VDAC2: variants seen among roughly 807,000 people sequenced by gnomAD.
The protein encoded by VDAC2 is voltage dependent anion channel 2, also known as non-selective voltage-gated ion channel VDAC2.
Under a neutral mutation model 36.6 loss-of-function variants are expected in VDAC2, and 6 were observed. That is an observed-to-expected ratio of 0.16 (90% confidence interval 0.09 to 0.32). VDAC2 has a LOEUF of 0.32. Among genes scored for constraint, VDAC2 ranks in the 10% least tolerant of loss-of-function variants. The probability of loss-of-function intolerance (pLI) is 1.00; values close to 1 mark genes in which losing one functional copy is unlikely to be tolerated. For missense variants in VDAC2, 247 were observed against 346.0 expected (o/e 0.71, Z 2.27); for synonymous variants, 109 against 123.8 (o/e 0.88, Z 0.79).
At chr10:75,218,996 G>C (rs1841706276) in intron 4 of VDAC2, 67 bp from the exon 5 acceptor site, 1 of 1,490,518 alleles carries the variant, frequency 6.7e-7, no homozygotes, top group Admixed American at 2.1e-5. Flanking sequence ...GTGTGTGTGC[G>C]TGTGTAAGGC....
intron 6 of VDAC2, among the ~76,000 whole-genome samples, chr10:75,220,379 G>GTGTA (rs1841775544): frequency 6.6e-6 from 1 of 152,256 alleles, no homozygotes; most frequent in African/African-American, 2.4e-5. Context: ...AAAGTGCTGA[G>GTGTA]ATTACAGGCG....
chr10:75,217,564 G>A (rs999404722), intron 4 of VDAC2, among the ~76,000 whole-genome samples: 1 of 152,104 alleles, frequency 6.6e-6, no homozygotes, highest in Non-Finnish European at 1.5e-5. Flanking sequence ...GTTTAGTAGA[G>A]ACGGGGTTTC....
At chr10:75,221,008 C>T (rs146018178) in intron 7 of VDAC2, 38 bp downstream of exon 7, 1 of 1,572,408 alleles carries the variant, frequency 6.4e-7, no homozygotes, top group Non-Finnish European at 8.7e-7. Context: ...GATGTGGGCC[C>T]TCAGAGGATG....
chr10:75,228,115 C>T (rs145130163), intron 8 of VDAC2, among the ~76,000 whole-genome samples: 2,994 of 150,484 alleles, frequency 0.02, 44 homozygotes, highest in Non-Finnish European at 0.027. Context: ...AGGATGGTCT[C>T]GATTTCCTGA....
chr10:75,220,049 A>C (rs1436739146), intron 6 of VDAC2, among the ~76,000 whole-genome samples: 1 of 149,170 alleles, frequency 6.7e-6, no homozygotes, highest in Non-Finnish European at 1.5e-5. Flanking sequence ...GCTGGTCTTG[A>C]ACTCCTGACC....
At chr10:75,230,294 T>C (rs1842066058) in intron 9 of VDAC2, among the ~76,000 whole-genome samples, 1 of 152,236 alleles carries the variant, frequency 6.6e-6, no homozygotes. Context: ...ATGAACATCA[T>C]ATGTCCTTAC....
At chr10:75,219,944 C>T (rs112504851) in intron 6 of VDAC2, among the ~76,000 whole-genome samples, 381 of 150,344 alleles carry the variant, frequency 2.5e-3, no homozygotes, top group African/African-American at 9.1e-3. Context: ...TCTCCTGCCT[C>T]AGCCTCCTGA....
intron 8 of VDAC2, among the ~76,000 whole-genome samples, chr10:75,227,341 G>A (rs1021949168): frequency 2.6e-5 from 4 of 152,088 alleles, no homozygotes; most frequent in East Asian, 1.9e-4. Flanking sequence ...AAATGAGGGC[G>A]GGGCAGTTTT....
At chr10:75,215,003 T>C (rs1359564942) in intron 4 of VDAC2, among the ~76,000 whole-genome samples, 1 of 151,984 alleles carries the variant, frequency 6.6e-6, no homozygotes. Context: ...AGCCTCGACC[T>C]CTTGGGCTCA....
rs1431283053 is a variant in VDAC2 at position 75,210,877 on chromosome 10, G to T, written c.-87G>T. The T allele has an allele frequency of 8.3e-6, 3 of 361,882 alleles. No homozygotes were observed. The highest frequency in any genetic ancestry group is 1.5e-5 in the Non-Finnish European group (3 of 201,246). The allele number at this position is 361,882 out of a possible 1,614,324, so 22.4% of individuals were successfully genotyped here. A position where few individuals can be genotyped will look rare whatever the true frequency, so the allele number is the denominator to read the frequency against. ...CTGGAGCTGCAGCCCGACCGCGAGC[G>T]TGCCAAGCGGCTTCAGCAGCTAGCG... On this transcript the variant is annotated 5_prime_UTR_variant, in exon 1 of 10. Transcript: ENST00000332211.
At chr10:75,210,212 G>C (rs565506649), upstream of VDAC2, 1 of 152,746 alleles carries the variant, frequency 6.5e-6, no homozygotes, top group South Asian at 2.1e-4. Flanking sequence ...GTCACACCAA[G>C]GTGGGAAAAG....
chr10:75,226,411 A>G (rs913890862), intron 8 of VDAC2, among the ~76,000 whole-genome samples: 4 of 150,162 alleles, frequency 2.7e-5, no homozygotes, highest in East Asian at 3.9e-4. Context: ...GGTTCCTGAA[A>G]CAGCTCCAGA....
chr10:75,210,374 T>C (rs1751661981), upstream of VDAC2, among the ~76,000 whole-genome samples: 1 of 152,168 alleles, frequency 6.6e-6, no homozygotes, highest in Non-Finnish European at 1.5e-5. Context: ...GCAGGCACCC[T>C]ATGCAGGGCT....
At chr10:75,218,025 C>G (rs57885573) in intron 4 of VDAC2, 1 of 951,056 alleles carries the variant, frequency 1.1e-6, no homozygotes, top group Non-Finnish European at 1.5e-6. Context: ...GAGGTTGAGG[C>G]TGCAGTCAGC....
At chr10:75,221,869 C>A (rs1183721046) in intron 7 of VDAC2, among the ~76,000 whole-genome samples, 2 of 152,136 alleles carry the variant, frequency 1.3e-5, no homozygotes, top group East Asian at 3.8e-4. Context: ...ATAACAGAAG[C>A]ACAAAGAAGA....
intron 8 of VDAC2, among the ~76,000 whole-genome samples, chr10:75,225,149 T>C (rs1841920633): frequency 6.6e-6 from 1 of 152,186 alleles, no homozygotes; most frequent in South Asian, 2.1e-4. Context: ...GGAAAGTGAC[T>C]GGCCTGAGGA....
chr10:75,212,159 T>C (rs1341969768), intron 2 of VDAC2, 71 bp from the exon 3 acceptor site: 2 of 1,360,124 alleles, frequency 1.5e-6, no homozygotes, highest in Admixed American at 1.8e-5. Context: ...CAGCAGTGGG[T>C]CATGCTCTTG....
chr10:75,219,411 A>G (rs1841730513), intron 6 of VDAC2, 55 bp downstream of exon 6: 5 of 1,441,472 alleles, frequency 3.5e-6, no homozygotes, highest in Non-Finnish European at 4.8e-6. Context: ...TCTTTTGTAT[A>G]TTTAGAAAAG....
chr10:75,223,832 C>T (rs1014998195), intron 8 of VDAC2, among the ~76,000 whole-genome samples: 1 of 152,016 alleles, frequency 6.6e-6, no homozygotes, highest in African/African-American at 2.4e-5. Context: ...TCAGTCATGC[C>T]TGTATAATGA....
Sources: allele counts gnomAD v4.1 joint callset (sites outside exome capture counted in the v4.1 genomes callset), GRCh38; gene constraint gnomAD v4.1.1; transcripts MANE v1.5; gene names NCBI Gene and HGNC (gene_info 2026-07-23, HGNC 2026-07-21).